GPR158: variants seen among roughly 807,000 people sequenced by gnomAD.
The protein encoded by GPR158 is metabotropic glycine receptor.
Under a neutral mutation model 78.2 loss-of-function variants are expected in GPR158, and 30 were observed. The ratio of observed to expected loss-of-function variants is 0.38; its 90% CI spans 0.29 to 0.52. The LOEUF is 0.52. GPR158 is among the 20% of genes least tolerant of loss of function. The pLI, the probability that GPR158 is intolerant of heterozygous loss-of-function variation, is 0.83. For synonymous variants in GPR158, 581 were observed against 591.1 expected, an observed-to-expected ratio of 0.98 and a Z score of 0.25; for missense variants, 1,463 against 1,523.5, an observed-to-expected ratio of 0.96 and a Z score of 0.66.
chr10:25,328,920 T>C (rs1468271636), intron 2 of GPR158, among the ~76,000 whole-genome samples: 1 of 61,392 alleles, frequency 1.6e-5, no homozygotes, highest in African/African-American at 1.1e-4. Context: ...AGAGCGAAAC[T>C]TCATCACAAA....
intron 4 of GPR158, among the ~76,000 whole-genome samples, chr10:25,452,194 T>C (rs150500926): frequency 1.0e-3 from 141 of 141,226 alleles, no homozygotes; most frequent in African/African-American, 4.0e-3. Flanking sequence ...CGTGCCACCA[T>C]GCCCAGAAAC....
At chr10:25,579,552 G>A (rs1458556495) in intron 7 of GPR158, among the ~76,000 whole-genome samples, 1 of 152,224 alleles carries the variant, frequency 6.6e-6, no homozygotes, top group East Asian at 1.9e-4. Flanking sequence ...ATACATTGAA[G>A]ATACTGAAGC....
intron 4 of GPR158, among the ~76,000 whole-genome samples, chr10:25,457,118 G>T (rs1835301149): frequency 7.5e-6 from 1 of 132,574 alleles, no homozygotes; most frequent in African/African-American, 3.6e-5. Context: ...GATTACAGGT[G>T]CCTGCCAGCC....
At chr10:25,526,994 A>C (rs1229881521) in intron 5 of GPR158, among the ~76,000 whole-genome samples, 3 of 152,258 alleles carry the variant, frequency 2.0e-5, no homozygotes, top group Non-Finnish European at 4.4e-5. Context: ...TGGTTATATT[A>C]ATATCAGACA....
intron 5 of GPR158, among the ~76,000 whole-genome samples, chr10:25,526,806 T>C (rs1273779618): frequency 6.6e-6 from 1 of 152,120 alleles, no homozygotes; most frequent in East Asian, 1.9e-4. Context: ...TGAAGTAAGA[T>C]TGATGGACTG....
rs576294338 is a variant in GPR158, at chr10:25,375,865, A to G, written c.1009-20046A>G. 4.6e-5 allele frequency among the ~76,000 whole-genome samples: 7 copies of G among 151,658 alleles called. No homozygotes were observed. The South Asian group carries it at 1.4e-3, about 31-fold the overall frequency. ...CTTCCTTGTCGCAATTGTTTTAGTT[A>G]TTCTAGGAGCTACAATTTTTAATGT... is the stretch of plus-strand genomic sequence containing the variant. On this transcript the variant is annotated intron_variant, in intron 2 of 10. Transcript: ENST00000376351.
intron 2 of GPR158, among the ~76,000 whole-genome samples, chr10:25,304,060 C>T (rs180768926): frequency 6.6e-6 from 1 of 152,090 alleles, no homozygotes; most frequent in Non-Finnish European, 1.5e-5. Flanking sequence ...TAAGCAGATT[C>T]ATGTTTATTC....
intron 7 of GPR158, among the ~76,000 whole-genome samples, chr10:25,581,887 T>C (rs909444047): frequency 6.6e-6 from 1 of 152,114 alleles, no homozygotes; most frequent in Non-Finnish European, 1.5e-5. Context: ...GACTGGGTAA[T>C]TTACTTAAAA....
At chr10:25,580,918 A>ATTT (rs201391296) in intron 7 of GPR158, among the ~76,000 whole-genome samples, 33 of 109,068 alleles carry the variant, frequency 3.0e-4, no homozygotes, top group African/African-American at 5.1e-4. Flanking sequence ...ATTTTATTTT[A>ATTT]TTTTATTTTA....
At chr10:25,594,863 C>G (rs548062564) in intron 9 of GPR158, among the ~76,000 whole-genome samples, 376 of 152,168 alleles carry the variant, frequency 2.5e-3, no homozygotes, top group Non-Finnish European at 4.2e-3. Flanking sequence ...CAGGCAGCAC[C>G]ATGAAATGAG....
chr10:25,412,516 A>T (rs541086127), intron 4 of GPR158, 43 bp downstream of exon 4: 14 of 1,317,350 alleles, frequency 1.1e-5, no homozygotes, highest in Admixed American at 5.2e-5. Flanking sequence ...TTACAGAGCA[A>T]CCTCTTATCT....
intron 5 of GPR158, among the ~76,000 whole-genome samples, chr10:25,526,429 T>C (rs1382569769): frequency 6.6e-6 from 1 of 152,026 alleles, no homozygotes; most frequent in Non-Finnish European, 1.5e-5. Context: ...AGTTTGATCC[T>C]GCTAGAGAAG....
intron 6 of GPR158, among the ~76,000 whole-genome samples, chr10:25,554,015 A>G (rs1045420755): frequency 3.9e-5 from 6 of 152,270 alleles, no homozygotes; most frequent in South Asian, 2.1e-4. Context: ...CACAGAACCA[A>G]TGGATTTCGC....
chr10:25,581,898 A>T lies in GPR158; in HGVS notation c.1754-7109A>T, dbSNP rs368495137. ...CTGAGACTGGGTAATTTACTTAAAAAAAAAGTTTAATGGACTCACAGTTCC... is the reference window on the plus strand; with the variant it reads ...CTGAGACTGGGTAATTTACTTAAAATAAAAGTTTAATGGACTCACAGTTCC... On this transcript the variant is annotated intron_variant, in intron 7 of 10. Transcript: ENST00000376351. Among the ~76,000 whole-genome samples the T allele has an allele frequency of 1.1e-3, 168 of 152,340 alleles. 1 individual carries two copies. The highest frequency in any genetic ancestry group is 3.9e-3 in the African/African-American group (163 of 41,568).
chr10:25,586,059 G>T (rs1837261688), intron 7 of GPR158, among the ~76,000 whole-genome samples: 1 of 152,128 alleles, frequency 6.6e-6, no homozygotes, highest in Non-Finnish European at 1.5e-5. Context: ...AGTTTATGCT[G>T]GGGAGTACTG....
At chr10:25,224,839 G>A (rs1853351824) in intron 2 of GPR158, among the ~76,000 whole-genome samples, 2 of 152,028 alleles carry the variant, frequency 1.3e-5, no homozygotes, top group East Asian at 1.9e-4. Context: ...AAACTAATTC[G>A]AAACCTGGTC....
intron 1 of GPR158, among the ~76,000 whole-genome samples, chr10:25,191,965 A>C (rs756752569): frequency 6.6e-5 from 10 of 152,140 alleles, no homozygotes; most frequent in African/African-American, 1.2e-4. Flanking sequence ...TGTTTCCCAA[A>C]GAGTTCTACA....
intron 4 of GPR158, among the ~76,000 whole-genome samples, chr10:25,434,592 T>C (rs1410664153): frequency 1.3e-5 from 2 of 152,204 alleles, no homozygotes; most frequent in Non-Finnish European, 2.9e-5. Context: ...TAGCTAGGTT[T>C]ATGAAAATGA....
intron 5 of GPR158, among the ~76,000 whole-genome samples, chr10:25,469,783 CAAAAAAAAAAAAA>C (rs34432893): frequency 4.2e-5 from 2 of 47,362 alleles, no homozygotes; most frequent in Non-Finnish European, 7.7e-5. Context: ...GACTCCATCT[CAAAAAAAAAAAAA>C]AAAAAAAAAA....
Sources: allele counts gnomAD v4.1 joint callset (sites outside exome capture counted in the v4.1 genomes callset), GRCh38; gene constraint gnomAD v4.1.1; transcripts MANE v1.5; gene names NCBI Gene and HGNC (gene_info 2026-07-23, HGNC 2026-07-21).